Variants in KLHL32 observed in about 807,000 individuals in gnomAD.
The protein encoded by KLHL32 is kelch-like protein 32.
A neutral mutation model predicts 64.8 loss-of-function variants in KLHL32; 35 were observed. The ratio of observed to expected loss-of-function variants is 0.54; its 90% CI spans 0.41 to 0.72. KLHL32 has a LOEUF of 0.72. Among genes scored for constraint, KLHL32 ranks in the 30% least tolerant of loss-of-function variants. The pLI, the probability that KLHL32 is intolerant of heterozygous loss-of-function variation, is 0.00. For synonymous variants in KLHL32, 259 were observed against 281.0 expected (o/e 0.92, Z 0.78); for missense variants, 589 against 768.5 (o/e 0.77, Z 2.76).
intron 6 of KLHL32, among the ~76,000 whole-genome samples, chr6:97,092,675 G>C (rs374392735): frequency 2.0e-5 from 3 of 152,268 alleles, no homozygotes; most frequent in African/African-American, 7.2e-5. Context: ...GCTCCTAGTT[G>C]CCAGAGCATA....
chr6:97,041,465 C>T, intron 3 of KLHL32, 27 bp from the exon 4 acceptor site: 1 of 1,496,148 alleles, frequency 6.7e-7, no homozygotes, highest in Non-Finnish European at 9.3e-7. Flanking sequence ...AGTCTCATAA[C>T]TGTCTTTCTC....
At chr6:97,110,784 T>G (rs1368829441) in intron 6 of KLHL32, among the ~76,000 whole-genome samples, 2 of 152,198 alleles carry the variant, frequency 1.3e-5, no homozygotes, top group African/African-American at 4.8e-5. Flanking sequence ...GCACGGGCAA[T>G]GGAGCTAGCT....
At chr6:96,981,998 A>G (rs1776371655) in intron 3 of KLHL32, among the ~76,000 whole-genome samples, 1 of 152,064 alleles carries the variant, frequency 6.6e-6, no homozygotes, top group African/African-American at 2.4e-5. Flanking sequence ...AGTATGTGCC[A>G]TGTGCATATG....
chr6:96,965,512 CCATT>C (rs1214607517), intron 1 of KLHL32, among the ~76,000 whole-genome samples: 2 of 152,150 alleles, frequency 1.3e-5, no homozygotes. Flanking sequence ...TTTTTGCTCT[CCATT>C]CAGTTGTTGG....
rs929475321 is a variant in KLHL32, at chr6:96,999,580, C to T, written c.204+23403C>T. ...TCCAGGTATTAGGACCATTTTTTCC[C>T]TGCTATTTTCTTTTTCTGATGACAA... On this transcript the variant is annotated intron_variant, in intron 3 of 10. Transcript: ENST00000369261. 5.4e-6 allele frequency: 5 copies of T among 934,290 alleles called. No homozygotes were observed. In the African/African-American group the frequency reaches 7.1e-5, roughly 13 times the overall value. 57.9% of individuals were successfully genotyped at this position (934,290 alleles called of 1,614,324 possible). A position where few individuals can be genotyped will look rare whatever the true frequency, so the allele number is the denominator to read the frequency against.
At chr6:97,090,183 T>C (rs573148472) in intron 6 of KLHL32, among the ~76,000 whole-genome samples, 21 of 152,320 alleles carry the variant, frequency 1.4e-4, no homozygotes, top group African/African-American at 5.1e-4. Context: ...AGAGTTTCCA[T>C]ATTAAAATGT....
chr6:97,101,530 G>A (rs1795724975), intron 6 of KLHL32, among the ~76,000 whole-genome samples: 1 of 152,200 alleles, frequency 6.6e-6, no homozygotes. Context: ...TGTAATGGGA[G>A]ATCCAAGCCA....
chr6:97,074,316 C>T (rs1791242143), intron 5 of KLHL32, among the ~76,000 whole-genome samples: 1 of 152,148 alleles, frequency 6.6e-6, no homozygotes, highest in South Asian at 2.1e-4. Context: ...AACTAGGGAG[C>T]ACAGTTTGAG....
intron 7 of KLHL32, among the ~76,000 whole-genome samples, chr6:97,126,346 T>G (rs1409929838): frequency 5.2e-5 from 7 of 133,884 alleles, no homozygotes; most frequent in African/African-American, 1.9e-4. Flanking sequence ...TGTTTTATGT[T>G]TTTTTTTTTT....
At chr6:97,129,885 A>C (rs1442300974) in intron 8 of KLHL32, among the ~76,000 whole-genome samples, 1 of 152,220 alleles carries the variant, frequency 6.6e-6, no homozygotes, top group Non-Finnish European at 1.5e-5. Flanking sequence ...TCTGTCTCAA[A>C]TACAAAACAA....
Position 97,130,774 on chromosome 6 carries a change from T to A in KLHL32, c.1431T>A (p.Arg477=), listed in dbSNP as rs1799353465. Residue 477 remains arginine (R), a synonymous_variant, in exon 9 of 11, where the codon CGT becomes CGA. Coordinates refer to ENST00000369261, the MANE Select transcript of KLHL32 (RefSeq NM_052904.4). The part of the protein sequence containing the change: ...YEPNQNKWIS[R]SPMLQRRVYH... ...TTTTTCAGAATAAGTGGATAAGCCGTAGCCCCATGCTGCAGAGAAGGGTCT... is the reference window on the plus strand; with the variant it reads ...TTTTTCAGAATAAGTGGATAAGCCGAAGCCCCATGCTGCAGAGAAGGGTCT... 1.2e-6 allele frequency: 2 copies of A among 1,613,206 alleles called. No homozygotes were observed. Among genetic ancestry groups the A allele is most frequent in the African/African-American group, 1.3e-5 (1 of 74,904 alleles).
chr6:97,113,240 G>C (rs887162493), intron 6 of KLHL32, among the ~76,000 whole-genome samples: 2 of 152,094 alleles, frequency 1.3e-5, no homozygotes, highest in Non-Finnish European at 2.9e-5. Flanking sequence ...GGGGTGGGAG[G>C]GGGAGTCTTT....
At chr6:96,915,414 C>T in the KLHL32 span, among the ~76,000 whole-genome samples, 1 of 152,048 alleles carries the variant, frequency 6.6e-6, no homozygotes, top group Non-Finnish European at 1.5e-5. Context: ...GACATATGAA[C>T]AAAAAATTTC....
At chr6:96,953,378 C>T (rs60303642) in intron 1 of KLHL32, among the ~76,000 whole-genome samples, 3,463 of 152,228 alleles carry the variant, frequency 0.023, 140 homozygotes, top group African/African-American at 0.08. Flanking sequence ...GCCTGTAATA[C>T]CAGCACTTTG....
intron 2 of KLHL32, among the ~76,000 whole-genome samples, chr6:96,967,535 A>G (rs1429034027): frequency 6.6e-6 from 1 of 151,706 alleles, no homozygotes; most frequent in East Asian, 1.9e-4. Context: ...AGCCCTCTCT[A>G]AGGCAATCAC....
At position 96,976,051 on chromosome 6, in the gene KLHL32, C is replaced by G; in HGVS notation, c.78C>G (p.Asp26Glu). The G allele has an allele frequency of 6.2e-7, 1 of 1,604,270 alleles. No individual in the cohort carries two copies. Among genetic ancestry groups the G allele is most frequent in the Non-Finnish European group, 8.5e-7 (1 of 1,172,956 alleles). The part of the protein sequence containing the change: ...QRLCHSESHN[D>E]SVLAALNQQR... Reference sequence around the variant, plus strand: ...TCTGCCACTCCGAATCTCACAATGACAGTGTCCTGGCAGCGCTGAATCAGC... The same window carrying G: ...TCTGCCACTCCGAATCTCACAATGAGAGTGTCCTGGCAGCGCTGAATCAGC... Residue 26 changes from aspartate to glutamate, a missense_variant, in exon 3 of 11, where the codon GAC (aspartate) becomes GAG (glutamate). Asp to Glu is a conservative substitution (Grantham distance 45). Transcript: ENST00000369261.
intron 5 of KLHL32, among the ~76,000 whole-genome samples, chr6:97,071,620 C>T (rs116063783): frequency 6.6e-6 from 1 of 152,266 alleles, no homozygotes; most frequent in African/African-American, 2.4e-5. Flanking sequence ...GTCTCACACA[C>T]CTGTTCCTCC....
At chr6:96,960,583 G>C (rs1003996805) in intron 1 of KLHL32, among the ~76,000 whole-genome samples, 2 of 152,188 alleles carry the variant, frequency 1.3e-5, no homozygotes, top group African/African-American at 4.8e-5. Flanking sequence ...GAATAAACCA[G>C]TGTTGGCAAA....
chr6:97,000,124 G>A (rs1356556243), intron 3 of KLHL32, among the ~76,000 whole-genome samples: 1 of 152,176 alleles, frequency 6.6e-6, no homozygotes, highest in African/African-American at 2.4e-5. Context: ...TTTAATCAAA[G>A]CCAGAAAAGG....
Sources: gnomAD v4.1 joint callset for allele counts (sites outside exome capture counted in the v4.1 genomes callset) on GRCh38, gnomAD v4.1.1 for gene constraint, MANE v1.5 for transcripts, NCBI Gene and HGNC (gene_info 2026-07-23, HGNC 2026-07-21) for gene names.